The following NLK variants were observed in gnomAD, a reference collection of about 807,000 sequenced individuals.
NLK encodes the protein nemo like kinase.
In NLK, 11 loss-of-function variants were observed where a neutral mutation model predicts 59.0. That is an observed-to-expected ratio of 0.19 (90% CI 0.12 to 0.31). The LOEUF (loss-of-function observed/expected upper bound fraction) is 0.31, where lower values mean the gene tolerates loss of function less well. Ranked by LOEUF, NLK falls within the 10% of genes least tolerant of loss-of-function variation. NLK has a pLI of 1.00. For missense variants in NLK, 410 were observed against 661.1 expected (o/e 0.62, Z 4.16); for synonymous variants, 235 against 235.9 (o/e 1.00, Z 0.03).
At chr17:28,159,780 A>G (rs1408858479) in intron 3 of NLK, among the ~76,000 whole-genome samples, 1 of 152,216 alleles carries the variant, frequency 6.6e-6, no homozygotes, top group Non-Finnish European at 1.5e-5. Flanking sequence ...ATAACAGTAA[A>G]AAAAATTATC....
rs1263940493 is a variant in NLK at position 28,137,570 on chromosome 17, A to AT, written c.644+4898dup. On this transcript the variant is annotated intron_variant, in intron 3 of 10. Transcript: ENST00000407008. ...ATAATAGTTAATATAATTTTAGAAA[A>AT]TTTGAGTTCTGTGTGCATTTTGATG... 5.3e-5 allele frequency among the ~76,000 whole-genome samples: 8 copies of AT among 152,150 alleles called. 1 individual carries two copies. The highest frequency in any genetic ancestry group is 5.2e-4 in the Admixed American group (8 of 15,278).
intron 7 of NLK, among the ~76,000 whole-genome samples, chr17:28,181,840 G>A (rs1048401069): frequency 6.6e-6 from 1 of 152,040 alleles, no homozygotes; most frequent in Non-Finnish European, 1.5e-5. Flanking sequence ...ACGAAACCGT[G>A]TCTCTAAAAA....
chr17:28,093,475 A>C (rs190666201), intron 1 of NLK, among the ~76,000 whole-genome samples: 1 of 152,174 alleles, frequency 6.6e-6, no homozygotes, highest in East Asian at 1.9e-4. Context: ...AATTTATAAT[A>C]AAAAAAATTC....
At chr17:28,191,694 TC>T (rs1670003385) in intron 9 of NLK, among the ~76,000 whole-genome samples, 2 of 152,172 alleles carry the variant, frequency 1.3e-5, no homozygotes, top group African/African-American at 2.4e-5. Flanking sequence ...GATTTTAGTG[TC>T]TACTGTAGGA....
At chr17:28,193,004 TTGTC>T (rs1309099714) in intron 10 of NLK, among the ~76,000 whole-genome samples, 1 of 152,246 alleles carries the variant, frequency 6.6e-6, no homozygotes, top group Non-Finnish European at 1.5e-5. Context: ...TTCATTCTCC[TTGTC>T]TGTCTGTCCT....
chr17:28,103,596 A>G (rs925735627), intron 1 of NLK, among the ~76,000 whole-genome samples: 3 of 152,212 alleles, frequency 2.0e-5, no homozygotes, highest in South Asian at 2.1e-4. Context: ...AACTTTTTGT[A>G]GTTATCACAG....
intron 1 of NLK, among the ~76,000 whole-genome samples, chr17:28,049,114 A>G (rs900326341): frequency 6.6e-6 from 1 of 152,230 alleles, no homozygotes; most frequent in Admixed American, 6.5e-5. Context: ...GTGAGCACAT[A>G]ACAAGTCATG....
chr17:28,129,895 A>C (rs1906448297), intron 2 of NLK, among the ~76,000 whole-genome samples: 1 of 152,204 alleles, frequency 6.6e-6, no homozygotes, highest in Non-Finnish European at 1.5e-5. Context: ...GAATCTTCTA[A>C]CATCATGGAG....
intron 7 of NLK, among the ~76,000 whole-genome samples, chr17:28,180,372 C>T (rs1247245354): frequency 1.3e-5 from 2 of 152,294 alleles, no homozygotes; most frequent in East Asian, 3.9e-4. Context: ...TATAGAACTA[C>T]TTATTTGCCT....
chr17:28,136,854 G>A (rs1327250324), intron 3 of NLK, among the ~76,000 whole-genome samples: 1 of 149,866 alleles, frequency 6.7e-6, no homozygotes, highest in Non-Finnish European at 1.5e-5. Flanking sequence ...CTGCCGCTTT[G>A]TTGGCCTCCC....
At chr17:28,136,575 G>A (rs2142025181) in intron 3 of NLK, among the ~76,000 whole-genome samples, 1 of 152,146 alleles carries the variant, frequency 6.6e-6, no homozygotes, top group Admixed American at 6.5e-5. Context: ...TTCTTTTAGT[G>A]TCCTAAATGG....
intron 1 of NLK, among the ~76,000 whole-genome samples, chr17:28,064,037 C>T (rs1175512106): frequency 6.6e-6 from 1 of 152,082 alleles, no homozygotes; most frequent in African/African-American, 2.4e-5. Context: ...GAGTTTGCAA[C>T]ACTTTTAGTG....
chr17:28,178,475 T>A (rs1373001122), intron 7 of NLK, among the ~76,000 whole-genome samples: 2 of 152,216 alleles, frequency 1.3e-5, no homozygotes, highest in Non-Finnish European at 2.9e-5. Context: ...GAAGTATAGC[T>A]GCCACAGCCC....
At chr17:28,048,808 A>G (rs182960979) in intron 1 of NLK, 9 of 152,322 alleles carry the variant, frequency 5.9e-5, no homozygotes, top group Non-Finnish European at 1.3e-4. Context: ...CTGTTCATAT[A>G]CTGTATGTTT....
At chr17:28,137,342 A>G (rs576077409) in intron 3 of NLK, among the ~76,000 whole-genome samples, 2 of 152,292 alleles carry the variant, frequency 1.3e-5, no homozygotes, top group South Asian at 2.1e-4. Flanking sequence ...ACTTAGTTGA[A>G]TGGGTCAGTA....
intron 5 of NLK, among the ~76,000 whole-genome samples, chr17:28,166,394 CAT>C (rs1597719109): frequency 6.6e-6 from 1 of 152,110 alleles, no homozygotes; most frequent in African/African-American, 2.4e-5. Context: ...TGTAACCAGA[CAT>C]AGTAGATTCA....
rs376511639 is a variant in NLK, at chr17:28,161,275, T to G, written c.751+9T>G. The G allele has an allele frequency of 4.5e-4, 685 of 1,515,888 alleles. 1 individual carries two copies. The highest frequency in any genetic ancestry group is 6.1e-4 in the Non-Finnish European group (664 of 1,090,956). 93.9% of individuals were successfully genotyped at this position (1,515,888 alleles called of 1,614,324 possible). A position where few individuals can be genotyped will look rare whatever the true frequency, so the allele number is the denominator to read the frequency against. The stretch of plus-strand genomic sequence containing the variant: ...TTATCAGATTTTGCGAGGTAAGATT[T>G]CTTTATGAAGAAAAAGGTGCTGTCA... On this transcript the variant is annotated intron_variant, in intron 4 of 10. Coordinates refer to ENST00000407008, the MANE Select transcript of NLK (RefSeq NM_016231.5).
chr17:28,117,414 T>G (rs1905826980), intron 1 of NLK, among the ~76,000 whole-genome samples: 1 of 152,216 alleles, frequency 6.6e-6, no homozygotes, highest in Non-Finnish European at 1.5e-5. Flanking sequence ...ATGGCTTACC[T>G]GTTGCTTAGC....
intron 1 of NLK, among the ~76,000 whole-genome samples, chr17:28,075,764 C>T (rs1041345765): frequency 2.0e-5 from 3 of 152,020 alleles, no homozygotes; most frequent in Admixed American, 1.3e-4. Context: ...GTCCCTTCAC[C>T]CCCACTTCAT....
Sources: allele counts gnomAD v4.1 joint callset (sites outside exome capture counted in the v4.1 genomes callset), GRCh38; gene constraint gnomAD v4.1.1; transcripts MANE v1.5; gene names NCBI Gene and HGNC (gene_info 2026-07-23, HGNC 2026-07-21).